GLS: variants seen among roughly 807,000 people sequenced by gnomAD.
The protein encoded by GLS is glutaminase kidney isoform, mitochondrial.
In GLS, 36 loss-of-function variants were observed where a neutral mutation model predicts 86.7. That is an observed-to-expected ratio of 0.42 (90% CI 0.32 to 0.55). The LOEUF is 0.55. Among genes scored for constraint, GLS ranks in the 20% least tolerant of loss-of-function variants. The pLI is 0.17. For missense variants in GLS, 528 were observed against 833.4 expected, an observed-to-expected ratio of 0.63 and a Z score of 4.51; for synonymous variants, 317 against 305.9, an observed-to-expected ratio of 1.04 and a Z score of -0.38.
At position 190,913,493 on chromosome 2, in the gene GLS, G is replaced by T; in HGVS notation, c.1038+3172G>T. ...TACTAACTTTAAAGGAATACTTTTT[G>T]TTGTAATCTGTTTTATTTGGGATTG... On this transcript the variant is annotated intron_variant, in intron 7 of 17. Transcript: ENST00000320717. The surrounding 1 kb of genome is among the most constrained non-coding windows in gnomAD (Gnocchi z 6.1). 1 of 981,012 alleles carries T rather than the reference G, an allele frequency of 1.0e-6. No individual in the cohort carries two copies. The highest frequency in any genetic ancestry group is 1.2e-6 in the Non-Finnish European group (1 of 817,160). 60.8% of individuals were successfully genotyped at this position (981,012 alleles called of 1,614,324 possible).
rs1489624722 is a variant in GLS, at chr2:190,953,757, A to T, written c.1712+131A>T. The stretch of plus-strand genomic sequence containing the variant: ...TAAAAATGACCCCAACAAAATTTTT[A>T]TTAAATAGGCACTTCCAGTGCCTTA... On this transcript the variant is annotated intron_variant, in intron 15 of 17. Transcript: ENST00000320717. This position sits in a 1 kb window ranked among gnomAD's most constrained non-coding sequence, Gnocchi z 4.0. 1.5e-6 allele frequency: 1 copy of T among 660,164 alleles called. No individual in the cohort carries two copies. Among genetic ancestry groups the T allele is most frequent in the African/African-American group, 1.8e-5 (1 of 55,680 alleles). The allele number at this position is 660,164 out of a possible 1,614,324, so 40.9% of individuals were successfully genotyped here.
In GLS at chr2:190,953,233, CAT is replaced by C. The variant is rs763221086; in HGVS notation, c.1651-330_1651-329del. On this transcript the variant is annotated intron_variant, in intron 14 of 17. Coordinates refer to ENST00000320717, the MANE Select transcript of GLS (RefSeq NM_014905.5). The surrounding 1 kb of genome is among the most constrained non-coding windows in gnomAD (Gnocchi z 4.0). ...TACAGACTTCCTCACAATATTGAGA[CAT>C]AGAAAATGGGAAGGCTTCTAAACAA... is the stretch of plus-strand genomic sequence containing the variant. Among the ~76,000 whole-genome samples, 1 of 152,170 alleles carries C rather than the reference CAT, an allele frequency of 6.6e-6. No individual in the cohort carries two copies. The highest frequency in any genetic ancestry group is 1.5e-5 in the Non-Finnish European group (1 of 68,026).
chr2:190,884,490 A>G (rs890485421), intron 1 of GLS, among the ~76,000 whole-genome samples: 3 of 152,254 alleles, frequency 2.0e-5, no homozygotes, highest in African/African-American at 7.2e-5. Context: ...TTAAAGTCAC[A>G]AACTATGTTA....
chr2:190,902,054 C>T (rs371550331), intron 5 of GLS, 28 bp downstream of exon 5: 150 of 1,294,168 alleles, frequency 1.2e-4, no homozygotes, highest in Non-Finnish European at 1.6e-4. Flanking sequence ...TCATGAAAAC[C>T]AACTCTAAGC....
Position 190,943,486 on chromosome 2 carries a change from A to G in GLS, c.1651-10079A>G, listed in dbSNP as rs16833073. ...AGAAGAGAAAATCCAGCATAGTGCA[A>G]TATCAGCAGTCAAGGAAAGAGTATT... is the stretch of plus-strand genomic sequence containing the variant. On this transcript the variant is annotated intron_variant, in intron 14 of 17. Coordinates refer to ENST00000320717, the MANE Select transcript of GLS (RefSeq NM_014905.5). This position sits in a 1 kb window ranked among gnomAD's most constrained non-coding sequence, Gnocchi z 4.5. Among the ~76,000 whole-genome samples, 5,077 of 152,270 alleles carry G rather than the reference A, an allele frequency of 0.033. 256 individuals carry two copies. Among genetic ancestry groups the G allele is most frequent in the African/African-American group, 0.11 (4,692 of 41,524 alleles).
rs1027560085 is a variant in GLS, at chr2:190,955,627, C to A, written c.1853+809C>A. On this transcript the variant is annotated intron_variant, in intron 17 of 17. Transcript: ENST00000320717. The surrounding 1 kb of genome is among the most constrained non-coding windows in gnomAD (Gnocchi z 5.6). Reference sequence around the variant, plus strand: ...TCTTTATAGTAGAATGATTTATAATCTTTTGGGTATATACCCAGTAATGGG... The same window carrying A: ...TCTTTATAGTAGAATGATTTATAATATTTTGGGTATATACCCAGTAATGGG... Among the ~76,000 whole-genome samples the A allele has an allele frequency of 2.0e-5, 3 of 152,164 alleles. No individual in the cohort carries two copies. The highest frequency in any genetic ancestry group is 7.2e-5 in the African/African-American group (3 of 41,432).
At position 190,947,082 on chromosome 2, in the gene GLS, C is replaced by T. The variant is rs180685656; in HGVS notation, c.1651-6483C>T. On this transcript the variant is annotated intron_variant, in intron 14 of 17. Transcript: ENST00000320717. This position sits in a 1 kb window ranked among gnomAD's most constrained non-coding sequence, Gnocchi z 5.0. ...TTTAGGGTCATCCACTATATAAATACAGAGTAATGTGAGTATATAATTCTA... is the reference window on the plus strand; with the variant it reads ...TTTAGGGTCATCCACTATATAAATATAGAGTAATGTGAGTATATAATTCTA... 1.3e-5 allele frequency among the ~76,000 whole-genome samples: 2 copies of T among 152,268 alleles called. No homozygotes were observed. The highest frequency in any genetic ancestry group is 3.9e-4 in the East Asian group (2 of 5,194).
intron 14 of GLS, among the ~76,000 whole-genome samples, chr2:190,942,768 A>G (rs1021018333): frequency 7.2e-5 from 11 of 152,218 alleles, no homozygotes; most frequent in Admixed American, 6.5e-4. Context: ...CAGGAGGTTG[A>G]TTGACAGTGC....
chr2:190,930,550 G>A lies in GLS; in HGVS notation c.1539G>A (p.Lys513=). The A allele has an allele frequency of 6.2e-7, 1 of 1,611,182 alleles. No individual in the cohort carries two copies. The highest frequency in any genetic ancestry group is 8.5e-7 in the Non-Finnish European group (1 of 1,178,716). ...TGGATAAGATGGGCAACAGTGTTAA[G>A]GGAATTCACTTTTGTCACGTAAGCA... The part of the protein sequence containing the change: ...PPLDKMGNSV[K]GIHFCHDLVS... The change falls in exon 13 of 18, where the codon AAG becomes AAA. Residue 513 remains lysine, a synonymous_variant. Transcript: ENST00000320717. This position sits in a 1 kb window ranked among gnomAD's most constrained non-coding sequence, Gnocchi z 5.0.
Position 190,881,445 on chromosome 2 carries a change from A to G in GLS, c.361A>G (p.Lys121Glu), listed in dbSNP as rs1431520419. 2 of 1,543,874 alleles carry G rather than the reference A, an allele frequency of 1.3e-6. No individual in the cohort carries two copies. Among genetic ancestry groups the G allele is most frequent in the Non-Finnish European group, 1.7e-6 (2 of 1,144,370 alleles). ...ETDAFGNSEGKELVASGENKI... is the reference protein window; with the variant it reads ...ETDAFGNSEGEELVASGENKI... Reference sequence around the variant, plus strand: ...GGACGCGTTTGGCAACAGCGAGGGCAAAGAGCTGGTGGCCTCAGGTGAAAA... The same window carrying G: ...GGACGCGTTTGGCAACAGCGAGGGCGAAGAGCTGGTGGCCTCAGGTGAAAA... The change falls in exon 1 of 18, where the codon AAA (lysine) becomes GAA (glutamate). Residue 121 changes from lysine to glutamate, a missense_variant. By Grantham distance (56) the Lys-to-Glu change is moderately conservative. Transcript: ENST00000320717.
In GLS at chr2:190,881,134, C is replaced by T. The variant is rs1688143995; in HGVS notation, c.50C>T (p.Ser17Leu). 3 of 1,555,830 alleles carry T rather than the reference C, an allele frequency of 1.9e-6. No homozygotes were observed. Among genetic ancestry groups the T allele is most frequent in the Non-Finnish European group, 2.6e-6 (3 of 1,159,674 alleles). The change falls in exon 1 of 18, where the codon TCG becomes TTG. Residue 17 changes from serine (S) to leucine (L), a missense_variant. Coordinates refer to ENST00000320717, the MANE Select transcript of GLS (RefSeq NM_014905.5). ...SGMLRDLLLR[S>L]PAGVSATLRR... ...ATGCTGCGGGACCTGCTCCTGCGGT[C>T]GCCCGCCGGCGTGAGCGCGACTCTG... is the stretch of plus-strand genomic sequence containing the variant.
At chr2:190,888,065 T>C (rs376972736) in intron 1 of GLS, among the ~76,000 whole-genome samples, 57 of 152,000 alleles carry the variant, frequency 3.8e-4, no homozygotes, top group South Asian at 6.3e-4. Flanking sequence ...TTTTAAGATT[T>C]CCCCCCCATT....
rs1689711387 is a variant in GLS at position 190,920,962 on chromosome 2, G to C, written c.1039-62G>C. The C allele has an allele frequency of 1.2e-6, 1 of 851,312 alleles. No homozygotes were observed. 52.7% of individuals were successfully genotyped at this position (851,312 alleles called of 1,614,324 possible). ...TAGTAGCTTTGAAATTTTGATATTG[G>C]CTTGAAACTTAACTGTAGTGGTACC... is the stretch of plus-strand genomic sequence containing the variant. On this transcript the variant is annotated intron_variant, in intron 7 of 17. Transcript: ENST00000320717. The surrounding 1 kb of genome is among the most constrained non-coding windows in gnomAD (Gnocchi z 4.2).
intron 7 of GLS, among the ~76,000 whole-genome samples, chr2:190,916,011 C>T (rs1319095962): frequency 6.6e-6 from 1 of 152,144 alleles, no homozygotes; most frequent in African/African-American, 2.4e-5. Flanking sequence ...TATAATAAAA[C>T]TTTTAAAATT....
chr2:190,920,981 T>C lies in GLS; in HGVS notation c.1039-43T>C. The C allele has an allele frequency of 9.6e-7, 1 of 1,046,930 alleles. No homozygotes were observed. The highest frequency in any genetic ancestry group is 2.4e-5 in the East Asian group (1 of 42,000). 64.9% of individuals were successfully genotyped at this position (1,046,930 alleles called of 1,614,324 possible). On this transcript the variant is annotated intron_variant, in intron 7 of 17. Coordinates refer to ENST00000320717, the MANE Select transcript of GLS (RefSeq NM_014905.5). The surrounding 1 kb of genome is among the most constrained non-coding windows in gnomAD (Gnocchi z 4.2). ...ATATTGGCTTGAAACTTAACTGTAGTGGTACCTATATTAACGTATTTATGT... is the reference window on the plus strand; with the variant it reads ...ATATTGGCTTGAAACTTAACTGTAGCGGTACCTATATTAACGTATTTATGT...
chr2:190,952,542 T>G (rs755130704), intron 14 of GLS, among the ~76,000 whole-genome samples: 17 of 152,194 alleles, frequency 1.1e-4, no homozygotes, highest in Non-Finnish European at 2.1e-4. Flanking sequence ...TTTGGAAGGT[T>G]CATGGGTTTT....
In GLS at chr2:190,962,797, A is replaced by C; in HGVS notation, c.1854-33A>C. On this transcript the variant is annotated intron_variant, in intron 17 of 17. Coordinates refer to ENST00000320717, the MANE Select transcript of GLS (RefSeq NM_014905.5). This position sits in a 1 kb window ranked among gnomAD's most constrained non-coding sequence, Gnocchi z 4.2. ...GATCATCTTTGTACATAAATTACCT[A>C]ATGACCCTGTCCATGCTGTGCTACG... 1 of 1,348,876 alleles carries C rather than the reference A, an allele frequency of 7.4e-7. No individual in the cohort carries two copies. Among genetic ancestry groups the C allele is most frequent in the Non-Finnish European group, 9.7e-7 (1 of 1,031,704 alleles). 83.6% of individuals were successfully genotyped at this position (1,348,876 alleles called of 1,614,324 possible).
intron 6 of GLS, among the ~76,000 whole-genome samples, chr2:190,908,591 A>G (rs1689243676): frequency 6.6e-6 from 1 of 152,222 alleles, no homozygotes; most frequent in African/African-American, 2.4e-5. Context: ...TCTGCCATTC[A>G]AAACTTTTTT....
At chr2:190,907,109 A>T (rs1689172218) in intron 6 of GLS, among the ~76,000 whole-genome samples, 2 of 151,874 alleles carry the variant, frequency 1.3e-5, no homozygotes, top group Admixed American at 6.6e-5. Context: ...TATTTTTAGT[A>T]GAGATGGGGT....
Sources: allele counts gnomAD v4.1 joint callset (sites outside exome capture counted in the v4.1 genomes callset), GRCh38; gene constraint gnomAD v4.1.1; non-coding constraint Gnocchi (gnomAD v3.1); transcripts MANE v1.5; gene names NCBI Gene and HGNC (gene_info 2026-07-23, HGNC 2026-07-21).